Variants in NFKB1 observed in about 807,000 individuals in gnomAD.
NFKB1 encodes nuclear factor NF-kappa-B p105 subunit.
A neutral mutation model predicts 105.1 loss-of-function variants in NFKB1; 9 were observed. The observed-to-expected ratio is 0.09, with a 90% confidence interval of 0.05 to 0.15. NFKB1 has a LOEUF of 0.15. Among genes scored for constraint, NFKB1 ranks in the 10% least tolerant of loss-of-function variants. The probability of loss-of-function intolerance (pLI) is 1.00; values close to 1 mark genes in which losing one functional copy is unlikely to be tolerated. For synonymous variants in NFKB1, 440 were observed against 442.2 expected, an observed-to-expected ratio of 1.00 and a Z score of 0.06; for missense variants, 830 against 1,203.7, an observed-to-expected ratio of 0.69 and a Z score of 4.59.
rs1367006432 is a variant in NFKB1 at position 102,609,663 on chromosome 4, C to CA, written c.2228-911dup. Reference sequence around the variant, plus strand: ...TCAGTTAAGAGATAGCTCATCCCTCCACACTTTGGTCCTGTAAATTGTTCA... The same window carrying CA: ...TCAGTTAAGAGATAGCTCATCCCTCCAACACTTTGGTCCTGTAAATTGTTCA... On this transcript the variant is annotated intron_variant, in intron 19 of 23. Transcript: ENST00000226574. 2.0e-5 allele frequency among the ~76,000 whole-genome samples: 3 copies of CA among 150,232 alleles called. No homozygotes were observed. In the East Asian group the frequency reaches 5.8e-4, roughly 29 times the overall value.
intron 15 of NFKB1, among the ~76,000 whole-genome samples, chr4:102,599,970 G>A (rs1578814891): frequency 6.6e-6 from 1 of 152,140 alleles, no homozygotes; most frequent in African/African-American, 2.4e-5. Context: ...AGCCTCATTA[G>A]CGTAAGCTCT....
At chr4:102,577,150 G>C in intron 7 of NFKB1, 111 bp downstream of exon 7, 1 of 1,134,948 alleles carries the variant, frequency 8.8e-7, no homozygotes, top group East Asian at 2.5e-5. Flanking sequence ...CCACACTGCT[G>C]TCACCTTTTC....
intron 10 of NFKB1, among the ~76,000 whole-genome samples, chr4:102,584,006 A>G (rs368879785): frequency 1.3e-5 from 2 of 152,214 alleles, no homozygotes; most frequent in South Asian, 2.1e-4. Context: ...ATGTTCATGC[A>G]TAAAGAAATT....
intron 11 of NFKB1, among the ~76,000 whole-genome samples, chr4:102,589,747 A>C (rs1245727475): frequency 6.6e-6 from 1 of 152,074 alleles, no homozygotes; most frequent in African/African-American, 2.4e-5. Flanking sequence ...ACTAATCAAA[A>C]AAAAGAATAC....
At chr4:102,607,083 G>C (rs1727821670) in intron 17 of NFKB1, 67 bp from the exon 18 acceptor site, 5 of 1,532,204 alleles carry the variant, frequency 3.3e-6, no homozygotes, top group Non-Finnish European at 4.5e-6. Flanking sequence ...ATTTCCTTCA[G>C]CTTCACAAGG....
intron 5 of NFKB1, among the ~76,000 whole-genome samples, chr4:102,540,275 A>G (rs1185659931): frequency 1.3e-5 from 2 of 152,186 alleles, no homozygotes; most frequent in Non-Finnish European, 2.9e-5. Flanking sequence ...TTATAAATTT[A>G]TTGGCTAAGA....
intron 6 of NFKB1, among the ~76,000 whole-genome samples, chr4:102,570,443 C>A (rs140510614): frequency 2.5e-3 from 386 of 152,122 alleles, no homozygotes; most frequent in African/African-American, 9.1e-3. Context: ...ACCACATTTT[C>A]TTTATTTATT....
At chr4:102,520,424 T>C (rs1428429288) in intron 1 of NFKB1, among the ~76,000 whole-genome samples, 1 of 152,216 alleles carries the variant, frequency 6.6e-6, no homozygotes, top group Non-Finnish European at 1.5e-5. Flanking sequence ...TAGCTGAATG[T>C]TGTATATGTA....
chr4:102,539,034 C>T (rs1209635922), intron 5 of NFKB1, among the ~76,000 whole-genome samples: 1 of 151,932 alleles, frequency 6.6e-6, no homozygotes, highest in Non-Finnish European at 1.5e-5. Context: ...GTCAGGAGTT[C>T]GAGACCAGCC....
Position 102,532,182 on chromosome 4 carries a change from CT to C in NFKB1, c.119-1655del, listed in dbSNP as rs142969067. ...TTAATACATTGACCAGTGACTCCCC[CT>C]TTTTTTTCTTGTGTATGCTTCATTT... On this transcript the variant is annotated intron_variant, in intron 3 of 23. Coordinates refer to ENST00000226574, the MANE Select transcript of NFKB1 (RefSeq NM_003998.4). Among the ~76,000 whole-genome samples the C allele has an allele frequency of 1.0e-2, 1,515 of 152,030 alleles. 33 individuals are homozygous for C. The highest frequency in any genetic ancestry group is 0.034 in the African/African-American group (1,400 of 41,482).
intron 9 of NFKB1, 136 bp from the exon 10 acceptor site, chr4:102,582,730 C>A: frequency 1.9e-6 from 1 of 517,512 alleles, no homozygotes; most frequent in Non-Finnish European, 3.3e-6. Context: ...TTTTAAAAGA[C>A]TGAACCTTTT....
rs113109405 is a variant in NFKB1, at chr4:102,616,468, C to T, written c.2784C>T (p.Ser928=). The part of the protein sequence containing the change: ...ELRDSDSVCD[S]GVETSFRKLS... ...GAGACAGTGACAGTGTCTGCGACAG[C>T]GGCGTGGAGACATCCTTCCGCAAAC... is the stretch of plus-strand genomic sequence containing the variant. Residue 928 remains serine (S), a synonymous_variant, in exon 24 of 24, where the codon AGC becomes AGT. Coordinates refer to ENST00000226574, the MANE Select transcript of NFKB1 (RefSeq NM_003998.4). The T allele has an allele frequency of 1.1e-5, 17 of 1,614,084 alleles. No homozygotes were observed. Among genetic ancestry groups the T allele is most frequent in the Middle Eastern group, 1.7e-4 (1 of 6,058 alleles).
At chr4:102,565,397 T>C (rs1488999855) in intron 5 of NFKB1, among the ~76,000 whole-genome samples, 1 of 152,172 alleles carries the variant, frequency 6.6e-6, no homozygotes, top group Non-Finnish European at 1.5e-5. Context: ...CTTCTCTCCC[T>C]GCAAACCCTC....
chr4:102,611,345 T>A (rs1728392059), intron 20 of NFKB1, among the ~76,000 whole-genome samples: 1 of 5,278 alleles, frequency 1.9e-4, no homozygotes, highest in African/African-American at 1.6e-3. Flanking sequence ...TCCAGCTCAC[T>A]GACGTTAGCA....
intron 10 of NFKB1, among the ~76,000 whole-genome samples, chr4:102,583,561 G>A (rs746273279): frequency 2.0e-5 from 3 of 152,112 alleles, no homozygotes; most frequent in Non-Finnish European, 4.4e-5. Flanking sequence ...TTCTACCAAA[G>A]TAATTATGAT....
chr4:102,520,840 T>C (rs1007423448), intron 1 of NFKB1, among the ~76,000 whole-genome samples: 11 of 152,234 alleles, frequency 7.2e-5, no homozygotes, highest in Non-Finnish European at 1.3e-4. Context: ...GGCTCATTTA[T>C]CATGTTTTAT....
chr4:102,557,033 TG>T (rs1723037019), intron 5 of NFKB1: 1 of 152,128 alleles, frequency 6.6e-6, no homozygotes, highest in Admixed American at 6.6e-5. Context: ...TGGTTAGCCC[TG>T]GAAAAGGGAA....
chr4:102,535,777 A>G (rs1297281532), intron 4 of NFKB1, among the ~76,000 whole-genome samples: 4 of 152,230 alleles, frequency 2.6e-5, no homozygotes, highest in Admixed American at 6.5e-5. Flanking sequence ...AGTATTGTCT[A>G]TTTGACACCA....
At chr4:102,581,899 G>C (rs545971022) in intron 9 of NFKB1, among the ~76,000 whole-genome samples, 1 of 152,280 alleles carries the variant, frequency 6.6e-6, no homozygotes, top group African/African-American at 2.4e-5. Flanking sequence ...CCTACCTGAA[G>C]GCAAAGGAGA....
Sources: gnomAD v4.1 joint callset for allele counts (sites outside exome capture counted in the v4.1 genomes callset) on GRCh38, gnomAD v4.1.1 for gene constraint, MANE v1.5 for transcripts, NCBI Gene and HGNC (gene_info 2026-07-23, HGNC 2026-07-21) for gene names.